Variants in HS6ST3 observed in about 807,000 individuals in gnomAD.
HS6ST3 encodes the protein heparan sulfate 6-O-sulfotransferase 3.
HS6ST3 carries 12 observed loss-of-function variants against 36.7 expected under a neutral mutation model. The ratio of observed to expected loss-of-function variants is 0.33; its 90% CI spans 0.21 to 0.53. HS6ST3 has a LOEUF of 0.53. HS6ST3 is among the 20% of genes least tolerant of loss of function. HS6ST3 has a pLI of 0.95. For synonymous variants in HS6ST3, 240 were observed against 257.5 expected (o/e 0.93, Z 0.65); for missense variants, 584 against 640.9 (o/e 0.91, Z 0.96).
intron 1 of HS6ST3, among the ~76,000 whole-genome samples, chr13:96,201,988 C>T (rs1425497298): frequency 6.6e-6 from 1 of 152,054 alleles, no homozygotes; most frequent in African/African-American, 2.4e-5. Context: ...TAAAATGAAA[C>T]ATTTAGTCAA....
At chr13:96,206,135 G>A (rs1405956812) in intron 1 of HS6ST3, among the ~76,000 whole-genome samples, 1 of 152,038 alleles carries the variant, frequency 6.6e-6, no homozygotes, top group Non-Finnish European at 1.5e-5. Flanking sequence ...CAAAATCAAT[G>A]TGCAAAAATC....
At chr13:96,156,356 T>C (rs986981627) in intron 1 of HS6ST3, among the ~76,000 whole-genome samples, 1 of 152,176 alleles carries the variant, frequency 6.6e-6, no homozygotes, top group Non-Finnish European at 1.5e-5. Flanking sequence ...CTGAGAATGC[T>C]GAAAACCCAG....
intron 1 of HS6ST3, among the ~76,000 whole-genome samples, chr13:96,360,911 A>C (rs1387008824): frequency 6.8e-6 from 1 of 146,730 alleles, no homozygotes; most frequent in Non-Finnish European, 1.5e-5. Context: ...TTGCCACTGT[A>C]CTCCAGCCTG....
chr13:96,765,419 A>C (rs1336312295), intron 1 of HS6ST3, among the ~76,000 whole-genome samples: 1 of 152,088 alleles, frequency 6.6e-6, no homozygotes, highest in Non-Finnish European at 1.5e-5. Context: ...TGTCTGTGTC[A>C]CCTTTAGCCT....
At chr13:96,760,562 C>T (rs984460898) in intron 1 of HS6ST3, among the ~76,000 whole-genome samples, 6 of 151,816 alleles carry the variant, frequency 4.0e-5, no homozygotes, top group African/African-American at 9.7e-5. Flanking sequence ...ACAGTATTAG[C>T]GAATGTAGGT....
intron 1 of HS6ST3, among the ~76,000 whole-genome samples, chr13:96,735,242 T>C (rs1924584): frequency 0.61 from 91,856 of 151,276 alleles, 29,237 homozygotes; most frequent in African/African-American, 0.81. Context: ...AAAAAGAACG[T>C]ACAAAATTTC....
At chr13:96,528,058 A>G (rs1346186673) in intron 1 of HS6ST3, among the ~76,000 whole-genome samples, 1 of 152,216 alleles carries the variant, frequency 6.6e-6, no homozygotes, top group Non-Finnish European at 1.5e-5. Flanking sequence ...TAAAGCAGTG[A>G]AATTATTAAT....
intron 1 of HS6ST3, among the ~76,000 whole-genome samples, chr13:96,099,711 T>C (rs1330984882): frequency 5.9e-5 from 9 of 152,238 alleles, no homozygotes; most frequent in Non-Finnish European, 5.9e-5. Context: ...TGCTTTCTAG[T>C]TTTCTTATAA....
chr13:96,347,796 G>T (rs1384538903), intron 1 of HS6ST3, among the ~76,000 whole-genome samples: 1 of 152,062 alleles, frequency 6.6e-6, no homozygotes, highest in Non-Finnish European at 1.5e-5. Context: ...ATACTCTCCA[G>T]GTACTTATCT....
At chr13:96,128,669 T>C (rs552277337) in intron 1 of HS6ST3, among the ~76,000 whole-genome samples, 121 of 152,294 alleles carry the variant, frequency 7.9e-4, no homozygotes, top group African/African-American at 2.9e-3. Context: ...TTCACCCCTT[T>C]CCTGGCTTTT....
At chr13:96,153,470 G>C (rs184643023) in intron 1 of HS6ST3, among the ~76,000 whole-genome samples, 1 of 152,226 alleles carries the variant, frequency 6.6e-6, no homozygotes, top group African/African-American at 2.4e-5. Context: ...CTCTGAGCCA[G>C]GGTTCTTTTA....
intron 1 of HS6ST3, among the ~76,000 whole-genome samples, chr13:96,493,393 T>C (rs2055956429): frequency 6.6e-6 from 1 of 152,214 alleles, no homozygotes; most frequent in Admixed American, 6.6e-5. Flanking sequence ...AGCGTTTTGC[T>C]ACACATATAT....
At chr13:96,486,286 C>T (rs2055914236) in intron 1 of HS6ST3, among the ~76,000 whole-genome samples, 3 of 152,002 alleles carry the variant, frequency 2.0e-5, no homozygotes, top group Non-Finnish European at 4.4e-5. Flanking sequence ...TGGGTTGGTT[C>T]CAAGTCTTTG....
intron 1 of HS6ST3, among the ~76,000 whole-genome samples, chr13:96,252,460 C>G (rs1299645386): frequency 1.3e-5 from 2 of 152,156 alleles, no homozygotes; most frequent in Non-Finnish European, 2.9e-5. Context: ...TGGAGCAAGT[C>G]TTAGGATTGT....
At chr13:96,717,821 C>T (rs1875741161) in intron 1 of HS6ST3, among the ~76,000 whole-genome samples, 1 of 152,170 alleles carries the variant, frequency 6.6e-6, no homozygotes, top group South Asian at 2.1e-4. Context: ...GCACAAGGAT[C>T]CCATCAGGTG....
Position 96,263,288 on chromosome 13 carries a change from A to G in HS6ST3, c.707+171719A>G, listed in dbSNP as rs572609665. On this transcript the variant is annotated intron_variant, in intron 1 of 1. Transcript: ENST00000376705. ...AAATAAAGTTTCAATATAGTTTTCT[A>G]TCCAAACAAATGGACTCCCTAAGTT... Among the ~76,000 whole-genome samples, 8 of 152,288 alleles carry G rather than the reference A, an allele frequency of 5.3e-5. No individual in the cohort carries two copies. The South Asian group carries it at 1.4e-3, about 28-fold the overall frequency.
intron 1 of HS6ST3, among the ~76,000 whole-genome samples, chr13:96,186,805 C>T (rs1364887576): frequency 6.6e-6 from 1 of 152,126 alleles, no homozygotes; most frequent in Non-Finnish European, 1.5e-5. Flanking sequence ...TGTGTGAGTA[C>T]TCATAACTCT....
intron 1 of HS6ST3, among the ~76,000 whole-genome samples, chr13:96,557,724 C>A (rs946842260): frequency 1.4e-4 from 21 of 152,212 alleles, no homozygotes; most frequent in African/African-American, 5.1e-4. Context: ...GACAGACATC[C>A]TCTATCATGA....
intron 1 of HS6ST3, among the ~76,000 whole-genome samples, chr13:96,757,947 G>A (rs1002381966): frequency 6.6e-6 from 1 of 151,916 alleles, no homozygotes; most frequent in Non-Finnish European, 1.5e-5. Flanking sequence ...TAAGATTTTG[G>A]TCATAAAGCT....
Sources: gnomAD v4.1 joint callset for allele counts (sites outside exome capture counted in the v4.1 genomes callset) on GRCh38, gnomAD v4.1.1 for gene constraint, MANE v1.5 for transcripts, NCBI Gene and HGNC (gene_info 2026-07-23, HGNC 2026-07-21) for gene names.